The following GRM8 variants were observed in gnomAD, a reference collection of about 807,000 sequenced individuals.
The protein encoded by GRM8 is metabotropic glutamate receptor 8.
In GRM8, 47 loss-of-function variants were observed where a neutral mutation model predicts 87.2. That is an observed-to-expected ratio of 0.54 (90% CI 0.43 to 0.69). The LOEUF is 0.69. GRM8 is among the 30% of genes least tolerant of loss of function. The pLI is 0.00. For missense variants in GRM8, 1,019 were observed against 1,139.2 expected, an observed-to-expected ratio of 0.89 and a Z score of 1.52; for synonymous variants, 396 against 404.5, an observed-to-expected ratio of 0.98 and a Z score of 0.25.
At chr7:127,088,091 C>G (rs1477168001) in intron 3 of GRM8, among the ~76,000 whole-genome samples, 2 of 152,178 alleles carry the variant, frequency 1.3e-5, no homozygotes, top group Non-Finnish European at 2.9e-5. Flanking sequence ...AACAAAATGT[C>G]TATTTCTCTC....
chr7:126,689,407 T>C (rs917743293), intron 7 of GRM8, among the ~76,000 whole-genome samples: 1 of 152,180 alleles, frequency 6.6e-6, no homozygotes, highest in African/African-American at 2.4e-5. Context: ...AGCAAGATAA[T>C]ATATTTAAAA....
intron 3 of GRM8, among the ~76,000 whole-genome samples, chr7:126,938,906 T>C (rs771654585): frequency 2.6e-5 from 4 of 152,138 alleles, no homozygotes; most frequent in Non-Finnish European, 5.9e-5. Context: ...GTTCTCCCAA[T>C]TACAGGCAAC....
chr7:127,009,236 A>G (rs1378449717), intron 3 of GRM8, among the ~76,000 whole-genome samples: 2 of 152,176 alleles, frequency 1.3e-5, no homozygotes, highest in Non-Finnish European at 2.9e-5. Context: ...AGTGATCTTT[A>G]TCAACATTAA....
At position 126,659,586 on chromosome 7, in the gene GRM8, T is replaced by C. The variant is rs562207600; in HGVS notation, c.1358-50088A>G. On this transcript the variant is annotated intron_variant, in intron 7 of 10. Coordinates refer to ENST00000339582, the MANE Select transcript of GRM8 (RefSeq NM_000845.3). Reference sequence around the variant, plus strand: ...TGGTGCACTACATACTAGTATTTAATTCATATGCAGATCTGTGCCTTGTTT... The same window carrying C: ...TGGTGCACTACATACTAGTATTTAACTCATATGCAGATCTGTGCCTTGTTT... 1.3e-4 allele frequency among the ~76,000 whole-genome samples: 20 copies of C among 152,358 alleles called. No homozygotes were observed. In the South Asian group the frequency reaches 2.5e-3, roughly 19 times the overall value.
At chr7:127,085,639 C>T (rs1823392222) in intron 3 of GRM8, among the ~76,000 whole-genome samples, 1 of 152,106 alleles carries the variant, frequency 6.6e-6, no homozygotes, top group African/African-American at 2.4e-5. Context: ...TATCCTTTAC[C>T]CACGTTTTGA....
chr7:126,795,872 T>C (rs1413625259), intron 6 of GRM8, among the ~76,000 whole-genome samples: 2 of 151,686 alleles, frequency 1.3e-5, no homozygotes, highest in African/African-American at 4.8e-5. Context: ...AGCCCAAAAT[T>C]TTTGGAAAGG....
chr7:126,854,495 C>T (rs1050799576), intron 6 of GRM8, among the ~76,000 whole-genome samples: 2 of 152,168 alleles, frequency 1.3e-5, no homozygotes, highest in East Asian at 3.9e-4. Context: ...ATTTCTGACT[C>T]ACTAGGTCTG....
rs886118403 is a variant in GRM8, at chr7:126,501,212, A to G, written c.2430+31740T>C. 2.6e-5 allele frequency among the ~76,000 whole-genome samples: 4 copies of G among 152,060 alleles called. No individual in the cohort carries two copies. In the East Asian group the frequency reaches 5.8e-4, roughly 22 times the overall value. ...TTCTACAGATTTTTAAAAATTAAGT[A>G]CAGAAGTGGAAAATGATTTTTTAAA... On this transcript the variant is annotated intron_variant, in intron 9 of 10. Coordinates refer to ENST00000339582, the MANE Select transcript of GRM8 (RefSeq NM_000845.3).
intron 9 of GRM8, among the ~76,000 whole-genome samples, chr7:126,457,066 T>C (rs1803331615): frequency 6.6e-6 from 1 of 151,500 alleles, no homozygotes; most frequent in African/African-American, 2.4e-5. Context: ...GGAATGTGTC[T>C]GTGTGTGTGC....
At chr7:126,616,669 C>T (rs960495657) in intron 7 of GRM8, among the ~76,000 whole-genome samples, 101 of 151,914 alleles carry the variant, frequency 6.6e-4, no homozygotes, top group African/African-American at 2.3e-3. Context: ...ATCAAATAAA[C>T]GCAATAAAAA....
chr7:127,085,363 T>C (rs1329360970), intron 3 of GRM8, among the ~76,000 whole-genome samples: 1 of 152,212 alleles, frequency 6.6e-6, no homozygotes, highest in Non-Finnish European at 1.5e-5. Flanking sequence ...GTATTTCTAG[T>C]TGTAGATCCT....
chr7:127,105,555 T>C (rs1418172991), intron 3 of GRM8, among the ~76,000 whole-genome samples: 2 of 152,242 alleles, frequency 1.3e-5, no homozygotes, highest in Non-Finnish European at 2.9e-5. Flanking sequence ...ATCATTCCCA[T>C]GATCTTTCTC....
intron 3 of GRM8, among the ~76,000 whole-genome samples, chr7:126,929,362 T>A (rs1355362744): frequency 1.3e-5 from 2 of 152,210 alleles, no homozygotes; most frequent in African/African-American, 2.4e-5. Flanking sequence ...ACTAGCGTCA[T>A]AGGACAATTG....
In GRM8 at chr7:126,533,669, A is replaced by G; in HGVS notation, c.1713T>C (p.Leu571=). Reference sequence around the variant, plus strand: ...GCCACTCCAATTTGATGATGGGGATAAGCTGGCAGCCTGTGCGGTTCATGT... The same window carrying G: ...GCCACTCCAATTTGATGATGGGGATGAGCTGGCAGCCTGTGCGGTTCATGT... ...RPNMNRTGCQ[L]IPIIKLEWHS... is the part of the protein sequence containing the mutation. The change falls in exon 9 of 11, where the codon CTT becomes CTC. Residue 571 remains leucine, a synonymous_variant. Transcript: ENST00000339582. The G allele has an allele frequency of 1.9e-6, 3 of 1,614,048 alleles. No individual in the cohort carries two copies. Among genetic ancestry groups the G allele is most frequent in the Non-Finnish European group, 2.5e-6 (3 of 1,179,960 alleles).
chr7:127,226,851 T>C (rs1797360019), intron 2 of GRM8, among the ~76,000 whole-genome samples: 1 of 152,214 alleles, frequency 6.6e-6, no homozygotes, highest in South Asian at 2.1e-4. Flanking sequence ...GGTGCTACAG[T>C]GTTTCTACCG....
At chr7:126,624,080 A>G (rs1431760303) in intron 7 of GRM8, among the ~76,000 whole-genome samples, 1 of 152,150 alleles carries the variant, frequency 6.6e-6, no homozygotes, top group African/African-American at 2.4e-5. Context: ...CTGAACTCTT[A>G]GCAGGTATCC....
intron 3 of GRM8, among the ~76,000 whole-genome samples, chr7:126,927,864 T>C (rs1000106265): frequency 2.0e-5 from 3 of 152,178 alleles, no homozygotes; most frequent in Admixed American, 2.0e-4. Context: ...ATCCCATTAC[T>C]GGGTATACAC....
chr7:127,091,834 C>T (rs1172624523), intron 3 of GRM8, among the ~76,000 whole-genome samples: 2 of 86,710 alleles, frequency 2.3e-5, no homozygotes, highest in African/African-American at 4.8e-5. Context: ...GTCTGGCTGG[C>T]GACCCCCCGG....
chr7:127,065,503 C>T (rs1256040598), intron 3 of GRM8, among the ~76,000 whole-genome samples: 1 of 152,022 alleles, frequency 6.6e-6, no homozygotes, highest in African/African-American at 2.4e-5. Context: ...TCACATGTAC[C>T]CCCAAACCTA....
Sources: gnomAD v4.1 joint callset for allele counts (sites outside exome capture counted in the v4.1 genomes callset) on GRCh38, gnomAD v4.1.1 for gene constraint, MANE v1.5 for transcripts, NCBI Gene and HGNC (gene_info 2026-07-23, HGNC 2026-07-21) for gene names.